EMC9: variants seen among roughly 807,000 people sequenced by gnomAD.
EMC9 encodes the protein UPF0172 protein FAM158A.
Under a neutral mutation model 25.0 loss-of-function variants are expected in EMC9, and 20 were observed. The observed-to-expected ratio is 0.80, with a 90% CI of 0.56 to 1.16. The LOEUF is 1.16. Among genes scored for constraint, EMC9 ranks in the 50% most tolerant of loss-of-function variants. The pLI is 0.00. For synonymous variants in EMC9, 100 were observed against 107.0 expected (o/e 0.93, Z 0.40); for missense variants, 256 against 268.7 (o/e 0.95, Z 0.33).
Position 24,141,424 on chromosome 14 carries a change from C to T in EMC9, c.-13+14G>A, listed in dbSNP as rs1594365239. 2.8e-6 allele frequency: 3 copies of T among 1,066,978 alleles called. No individual in the cohort carries two copies. The highest frequency in any genetic ancestry group is 2.7e-6 in the Non-Finnish European group (2 of 727,706). The allele number at this position is 1,066,978 out of a possible 1,614,324, so 66.1% of individuals were successfully genotyped here. A position where few individuals can be genotyped will look rare whatever the true frequency, so the allele number is the denominator to read the frequency against. On this transcript the variant is annotated intron_variant, in intron 1 of 5. Coordinates refer to ENST00000216799, the MANE Select transcript of EMC9 (RefSeq NM_016049.4). ...CTTCGGCACGCTCTTTGACCCTTCC[C>T]CGTGCCCTCTCACTTCGGTTCGGCG... is the stretch of plus-strand genomic sequence containing the variant.
rs1329742445 is a variant in EMC9, at chr14:24,139,973, G to A, written c.276-359C>T. ...AGGACAGTGTCTGTAATAAAACACT[G>A]GAAACAACCTCAATGTTTAAAGTAT... On this transcript the variant is annotated intron_variant, in intron 3 of 5. Transcript: ENST00000216799. The surrounding 1 kb of genome is among the most constrained non-coding windows in gnomAD (Gnocchi z 4.6). 2.4e-6 allele frequency: 1 copy of A among 408,404 alleles called. No homozygotes were observed. Among genetic ancestry groups the A allele is most frequent in the Non-Finnish European group, 4.8e-6 (1 of 207,914 alleles). 25.3% of individuals were successfully genotyped at this position (408,404 alleles called of 1,614,324 possible).
rs2037999705 is a variant in EMC9, at chr14:24,139,581, T to A, written c.309A>T (p.Arg103=). Residue 103 remains arginine (R), a synonymous_variant, in exon 4 of 6, where the codon CGA becomes CGT. Coordinates refer to ENST00000216799, the MANE Select transcript of EMC9 (RefSeq NM_016049.4). The surrounding 1 kb of genome is among the most constrained non-coding windows in gnomAD (Gnocchi z 4.6). ...PGPLALKIAG[R]IAEFFPDAVL... ...CTGCATCAGGGAAGAATTCTGCAAT[T>A]CGCCCAGCAATTTTCAAGGCCAGGG... 6.2e-7 allele frequency: 1 copy of A among 1,614,020 alleles called. No individual in the cohort carries two copies. The highest frequency in any genetic ancestry group is 8.5e-7 in the Non-Finnish European group (1 of 1,179,966).
rs754273830 is a variant in EMC9, at chr14:24,139,132, G to A, written c.505C>T (p.His169Tyr). The change falls in exon 6 of 6, where the codon CAC becomes TAC. Residue 169 changes from histidine to tyrosine, a missense_variant. Transcript: ENST00000216799. This position sits in a 1 kb window ranked among gnomAD's most constrained non-coding sequence, Gnocchi z 4.6. ...CAGTCAAAGTCCACAAGGTGCTGGT[G>A]GGCCCGATCTTCCAGTAGAGCTCCC... ...MVGALLEDRA[H>Y]QHLVDFDCHL... 51 of 1,614,044 alleles carry A rather than the reference G, an allele frequency of 3.2e-5. No homozygotes were observed. Among genetic ancestry groups the A allele is most frequent in the Non-Finnish European group, 4.3e-5 (51 of 1,180,038 alleles).
In EMC9 at chr14:24,139,859, T is replaced by C. The variant is rs979139723; in HGVS notation, c.276-245A>G. On this transcript the variant is annotated intron_variant, in intron 3 of 5. Coordinates refer to ENST00000216799, the MANE Select transcript of EMC9 (RefSeq NM_016049.4). This position sits in a 1 kb window ranked among gnomAD's most constrained non-coding sequence, Gnocchi z 4.6. ...CAAAGGTGGTCTTTTTGGAAGGTAATTTGGCATAACCATCCAAATTGAAAC... is the reference window on the plus strand; with the variant it reads ...CAAAGGTGGTCTTTTTGGAAGGTAACTTGGCATAACCATCCAAATTGAAAC... 6 of 1,183,884 alleles carry C rather than the reference T, an allele frequency of 5.1e-6. No individual in the cohort carries two copies. The highest frequency in any genetic ancestry group is 7.2e-6 in the Non-Finnish European group (6 of 838,112). 73.3% of individuals were successfully genotyped at this position (1,183,884 alleles called of 1,614,324 possible).
At position 24,141,236 on chromosome 14, in the gene EMC9, G is replaced by C. The variant is rs780756189; in HGVS notation, c.69C>G (p.His23Gln). The change falls in exon 2 of 6, where the codon CAC becomes CAG. Residue 23 changes from histidine (H) to glutamine (Q), a missense_variant. By Grantham distance (24) the His-to-Gln change is conservative (BLOSUM62 0). Coordinates refer to ENST00000216799, the MANE Select transcript of EMC9 (RefSeq NM_016049.4). ...CCAAAAACAGCCCGTTGACTGCGGC[G>C]TGTGGGTACCGGGCAGCATGCAGGC... ...KMCLHAARYP[H>Q]AAVNGLFLAP... is the part of the protein sequence containing the mutation. 2 of 1,614,094 alleles carry C rather than the reference G, an allele frequency of 1.2e-6. No individual in the cohort carries two copies. Among genetic ancestry groups the C allele is most frequent in the South Asian group, 2.2e-5 (2 of 91,092 alleles).
rs1306552573 is a variant in EMC9 at position 24,139,802 on chromosome 14, G to A, written c.276-188C>T. On this transcript the variant is annotated intron_variant, in intron 3 of 5. Transcript: ENST00000216799. The surrounding 1 kb of genome is among the most constrained non-coding windows in gnomAD (Gnocchi z 4.6). ...TGATGCTTGAGTGCTGTGGGAGACA[G>A]GTGCTCAGATATTGCTGGTGAGAGT... The A allele has an allele frequency of 2.0e-6, 3 of 1,519,596 alleles. No homozygotes were observed. In the Admixed American group the frequency reaches 6.0e-5, roughly 30 times the overall value. 94.1% of individuals were successfully genotyped at this position (1,519,596 alleles called of 1,614,324 possible).
In EMC9 at chr14:24,141,038, A is replaced by T; in HGVS notation, c.198+69T>A. 3 of 1,613,244 alleles carry T rather than the reference A, an allele frequency of 1.9e-6. No individual in the cohort carries two copies. The South Asian group carries it at 3.3e-5, about 18-fold the overall frequency. The stretch of plus-strand genomic sequence containing the variant: ...TGTGGATGCGCACTGCTGCCAAGGG[A>T]CCGGGGATGAACTTGGGCTGGGGTG... On this transcript the variant is annotated intron_variant, in intron 2 of 5. Coordinates refer to ENST00000216799, the MANE Select transcript of EMC9 (RefSeq NM_016049.4).
At position 24,139,943 on chromosome 14, in the gene EMC9, A is replaced by G. The variant is rs936109622; in HGVS notation, c.276-329T>C. 1.1e-5 allele frequency: 5 copies of G among 468,752 alleles called. No homozygotes were observed. The highest frequency in any genetic ancestry group is 2.1e-5 in the Non-Finnish European group (5 of 240,822). The allele number at this position is 468,752 out of a possible 1,614,324, so 29.0% of individuals were successfully genotyped here. A position where few individuals can be genotyped will look rare whatever the true frequency, so the allele number is the denominator to read the frequency against. ...TTCTACTTATAAAGAATTTATGGTA[A>G]TCATAGGACAGTGTCTGTAATAAAA... On this transcript the variant is annotated intron_variant, in intron 3 of 5. Coordinates refer to ENST00000216799, the MANE Select transcript of EMC9 (RefSeq NM_016049.4). The surrounding 1 kb of genome is among the most constrained non-coding windows in gnomAD (Gnocchi z 4.6).
In EMC9 at chr14:24,140,935, C is replaced by A. The variant is rs528999680; in HGVS notation, c.229G>T (p.Val77Leu). The change falls in exon 3 of 6, where the codon GTG (valine) becomes TTG (leucine). Residue 77 changes from valine (V) to leucine (L), a missense_variant. Physicochemically the swap from Val to Leu is conservative, Grantham distance 32. Coordinates refer to ENST00000216799, the MANE Select transcript of EMC9 (RefSeq NM_016049.4). ...TTGGCATGGTAGTAACCAGCCACCA[C>A]CAGACCGGCCTGTGCTCCCCACACA... ...VDVWGAQAGL[V>L]VAGYYHANAA... is the part of the protein sequence containing the mutation. 1.4e-5 allele frequency: 22 copies of A among 1,614,262 alleles called. No homozygotes were observed. The Admixed American group carries it at 3.0e-4, about 22-fold the overall frequency.
Position 24,139,294 on chromosome 14 carries a change from C to A in EMC9, c.440+66G>T. 4 of 1,603,524 alleles carry A rather than the reference C, an allele frequency of 2.5e-6. No individual in the cohort carries two copies. The highest frequency in any genetic ancestry group is 3.4e-6 in the Non-Finnish European group (4 of 1,173,216). On this transcript the variant is annotated intron_variant, in intron 5 of 5. Coordinates refer to ENST00000216799, the MANE Select transcript of EMC9 (RefSeq NM_016049.4). This position sits in a 1 kb window ranked among gnomAD's most constrained non-coding sequence, Gnocchi z 4.6. Reference sequence around the variant, plus strand: ...CTAGAGAAAGACCCTTGGGGCAGGGCCAAGGACAGAGGAGACCCAGGAGCC... The same window carrying A: ...CTAGAGAAAGACCCTTGGGGCAGGGACAAGGACAGAGGAGACCCAGGAGCC...
rs201390992 is a variant in EMC9 at position 24,139,612 on chromosome 14, G to C, written c.278C>G (p.Pro93Arg). 3 of 1,613,836 alleles carry C rather than the reference G, an allele frequency of 1.9e-6. No homozygotes were observed. The highest frequency in any genetic ancestry group is 1.7e-5 in the Admixed American group (1 of 59,964). The change falls in exon 4 of 6, where the codon CCT becomes CGT. Residue 93 changes from proline to arginine, a missense_variant and splice_region_variant. Pro to Arg is a moderately radical substitution (Grantham distance 103, BLOSUM62 -2). Coordinates refer to ENST00000216799, the MANE Select transcript of EMC9 (RefSeq NM_016049.4). This position sits in a 1 kb window ranked among gnomAD's most constrained non-coding sequence, Gnocchi z 4.6. Reference protein sequence around the residue: ...HANAAVNDQSPGPLALKIAGR... With the variant: ...HANAAVNDQSRGPLALKIAGR... ...AGCAATTTTCAAGGCCAGGGGCCCA[G>C]GGCTGTGTAGAGGGAAGATCAGAGG...
Position 24,139,375 on chromosome 14 carries a change from G to A in EMC9, c.425C>T (p.Pro142Leu), listed in dbSNP as rs1594360280. Residue 142 changes from proline to leucine, a missense_variant, in exon 5 of 6, where the codon CCT becomes CTT. By Grantham distance (98) the Pro-to-Leu change is moderately conservative. Coordinates refer to ENST00000216799, the MANE Select transcript of EMC9 (RefSeq NM_016049.4). The surrounding 1 kb of genome is among the most constrained non-coding windows in gnomAD (Gnocchi z 4.6). ...VLENQGLRWV[P>L]KDKNLVMWRD... ...GGGTACTCACAAGTTCTTATCCTTA[G>A]GGACCCAGCGGAGACCTTGGTTCTC... 1 of 1,614,018 alleles carries A rather than the reference G, an allele frequency of 6.2e-7. No individual in the cohort carries two copies. Among genetic ancestry groups the A allele is most frequent in the East Asian group, 2.2e-5 (1 of 44,894 alleles).
At chr14:24,140,806 CG>C in intron 3 of EMC9, 82 bp downstream of exon 3, 6 of 1,411,888 alleles carry the variant, frequency 4.2e-6, no homozygotes, top group Non-Finnish European at 2.0e-6. Flanking sequence ...CCCCGCCCAC[CG>C]CCCCACGCAT....
chr14:24,141,000 G>A lies in EMC9; in HGVS notation c.199-35C>T, dbSNP rs1382964837. The A allele has an allele frequency of 9.3e-6, 15 of 1,614,062 alleles. No homozygotes were observed. In the Admixed American group the frequency reaches 2.5e-4, roughly 27 times the overall value. On this transcript the variant is annotated intron_variant, in intron 2 of 5. Transcript: ENST00000216799. ...GAAAGGGGCCATCAGTAATTAAATT[G>A]TGCCGCTGGCTTTGTGGATGCGCAC...
At chr14:24,140,822 G>A (rs934818148) in intron 3 of EMC9, 67 bp downstream of exon 3, 17 of 1,374,656 alleles carry the variant, frequency 1.2e-5, no homozygotes, top group Non-Finnish European at 1.5e-5. Context: ...ACGCATCCTC[G>A]CCCTCTATTC....
Position 24,141,457 on chromosome 14 carries a change from T to C in EMC9, c.-32A>G, listed in dbSNP as rs558395221. On this transcript the variant is annotated 5_prime_UTR_variant, in exon 1 of 6. Transcript: ENST00000216799. Reference sequence around the variant, plus strand: ...TCTCACTTCGGTTCGGCGACAACGCTAACTCGACTCGCAGGTAGCCCGCCG... The same window carrying C: ...TCTCACTTCGGTTCGGCGACAACGCCAACTCGACTCGCAGGTAGCCCGCCG... 8.9e-4 allele frequency: 728 copies of C among 821,436 alleles called. 1 individual carries two copies. Among genetic ancestry groups the C allele is most frequent in the South Asian group, 1.7e-3 (102 of 59,892 alleles). 50.9% of individuals were successfully genotyped at this position (821,436 alleles called of 1,614,324 possible).
chr14:24,139,548 A>C lies in EMC9; in HGVS notation c.342T>G (p.Ile114Met). The C allele has an allele frequency of 6.2e-7, 1 of 1,613,794 alleles. No homozygotes were observed. The highest frequency in any genetic ancestry group is 8.5e-7 in the Non-Finnish European group (1 of 1,179,838). Reference protein sequence around the residue: ...IAEFFPDAVLIMLDNQKLVPQ... With the variant: ...IAEFFPDAVLMMLDNQKLVPQ... ...CACCCAGAAACCCAAGCCTCACCAT[A>C]ATAAGTACTGCATCAGGGAAGAATT... Residue 114 changes from isoleucine to methionine, a missense_variant, in exon 4 of 6, where the codon ATT (isoleucine) becomes ATG (methionine). Physicochemically the swap from Ile to Met is conservative, Grantham distance 10. Transcript: ENST00000216799. The surrounding 1 kb of genome is among the most constrained non-coding windows in gnomAD (Gnocchi z 4.6).
rs1234360836 is a variant in EMC9 at position 24,139,014 on chromosome 14, G to GCATTTC, written c.617_622dup (p.Gly206_Asn207dup). ...CCGGGCCCCGCTGGCCCTGGCTCAG[G>GCATTTC]CATTTCCATTTCCATTAGTGGGACC... On this transcript the variant is annotated inframe_insertion, in exon 6 of 6. Transcript: ENST00000216799. This position sits in a 1 kb window ranked among gnomAD's most constrained non-coding sequence, Gnocchi z 4.6. The GCATTTC allele has an allele frequency of 2.5e-6, 4 of 1,613,172 alleles. No individual in the cohort carries two copies. The highest frequency in any genetic ancestry group is 2.2e-5 in the East Asian group (1 of 44,882).
At position 24,140,965 on chromosome 14, in the gene EMC9, CCTGT is replaced by C. The variant is rs750546145; in HGVS notation, c.199-4_199-1del. The stretch of plus-strand genomic sequence containing the variant: ...CCGGCCTGTGCTCCCCACACATCCA[CCTGT>C]CGTAGGAAAGGGGCCATCAGTAATT... On this transcript the variant is annotated splice_acceptor_variant and splice_polypyrimidine_tract_variant and intron_variant, in intron 2 of 5. Coordinates refer to ENST00000216799, the MANE Select transcript of EMC9 (RefSeq NM_016049.4). LOFTEE classifies it high-confidence loss of function. The C allele has an allele frequency of 6.2e-7, 1 of 1,614,146 alleles. No homozygotes were observed. Among genetic ancestry groups the C allele is most frequent in the Non-Finnish European group, 8.5e-7 (1 of 1,180,062 alleles).
Sources: allele counts gnomAD v4.1 joint callset, GRCh38; gene constraint gnomAD v4.1.1; non-coding constraint Gnocchi (gnomAD v3.1); transcripts MANE v1.5; gene names NCBI Gene and HGNC (gene_info 2026-07-23, HGNC 2026-07-21).